Variants in ARMCX4 observed in about 807,000 individuals in gnomAD.
The protein encoded by ARMCX4 is armadillo repeat-containing X-linked protein 4.
Under a neutral mutation model 34.7 loss-of-function variants are expected in ARMCX4, and 3 were observed. The ratio of observed to expected loss-of-function variants is 0.09; its 90% CI spans 0.04 to 0.22. The LOEUF (loss-of-function observed/expected upper bound fraction) is 0.22. ARMCX4 is among the 10% of genes least tolerant of loss of function. The pLI is 1.00. For synonymous variants in ARMCX4, 513 were observed against 632.8 expected (o/e 0.81, Z 2.84); for missense variants, 1,448 against 1,720.8 (o/e 0.84, Z 2.81).
intron 4 of ARMCX4, among the ~76,000 whole-genome samples, chrX:101,455,841 T>A (rs1352605994): frequency 1.8e-5 from 2 of 110,790 alleles, no homozygotes; most frequent in Non-Finnish European, 3.8e-5. Flanking sequence ...TTCCCCAGTG[T>A]CTGTTGTTTT....
chrX:101,494,724 A>C lies in ARMCX4; in HGVS notation c.6135A>C (p.Lys2045Asn). The C allele has an allele frequency of 1.7e-6, 2 of 1,153,803 alleles. No individual in the cohort carries two copies. The highest frequency in any genetic ancestry group is 2.3e-6 in the Non-Finnish European group (2 of 871,808). The change falls in exon 6 of 6, where the codon AAA becomes AAC. Residue 2045 changes from lysine to asparagine, a missense_variant. Physicochemically the swap from Lys to Asn is moderately conservative, Grantham distance 94. This residue lies in a region of ARMCX4 where 105 missense variants were observed against 180.2 expected (regional missense o/e 0.58). Coordinates refer to ENST00000423738, the MANE Select transcript of ARMCX4 (RefSeq NM_001256155.3). ...EANMDPRDLEKLICMIEMTED... is the reference protein window; with the variant it reads ...EANMDPRDLENLICMIEMTED... ...ATATGGATCCACGAGATCTTGAAAA[A>C]CTCATTTGCATGATTGAGATGACTG...
chrX:101,515,937 A>G (rs1337205794), intron 11 of ARMCX4, among the ~76,000 whole-genome samples: 1 of 111,670 alleles, frequency 9.0e-6, no homozygotes, highest in Admixed American at 9.6e-5. Context: ...AAATCTAATC[A>G]GATTAGAGAA....
intron 8 of ARMCX4, among the ~76,000 whole-genome samples, chrX:101,508,726 A>T (rs1267473272): frequency 9.0e-6 from 1 of 111,720 alleles, no homozygotes; most frequent in Non-Finnish European, 1.9e-5. Context: ...CAACTCTTTT[A>T]ATGTATTATT....
intron 2 of ARMCX4, among the ~76,000 whole-genome samples, chrX:101,435,876 C>T (rs782088862): frequency 1.8e-5 from 2 of 110,869 alleles, no homozygotes; most frequent in East Asian, 2.8e-4. Flanking sequence ...AGCCAGTTTT[C>T]CCAGCACCAT....
chrX:101,507,675 T>A (rs187324000), intron 8 of ARMCX4, among the ~76,000 whole-genome samples: 8 of 111,771 alleles, frequency 7.2e-5, no homozygotes, highest in Non-Finnish European at 1.5e-4. Context: ...TGAGAAAGAG[T>A]GTATAGTATA....
chrX:101,435,946 A>T (rs1233286801), intron 2 of ARMCX4, among the ~76,000 whole-genome samples: 1 of 111,353 alleles, frequency 9.0e-6, no homozygotes, highest in Non-Finnish European at 1.9e-5. Flanking sequence ...CAAAGATCAG[A>T]TAGTTGTAGA....
chrX:101,525,623 T>C (rs1212498275), intron 11 of ARMCX4, among the ~76,000 whole-genome samples: 4 of 111,143 alleles, frequency 3.6e-5, no homozygotes, highest in Non-Finnish European at 7.5e-5. Flanking sequence ...GAGAAGATCT[T>C]AGGTGACCTA....
At chrX:101,459,092 G>C (rs1392984732) in intron 4 of ARMCX4, among the ~76,000 whole-genome samples, 6 of 111,570 alleles carry the variant, frequency 5.4e-5, no homozygotes, top group African/African-American at 2.0e-4. Context: ...TCAGAGGCTA[G>C]ATTCACCTTT....
Position 101,489,667 on chromosome X carries a change from A to G in ARMCX4, c.1078A>G (p.Ile360Val). ...GGCAGGGGCAGATGTGAGAGCTTGT[A>G]TACAACCTCAGACTGTGGCCAAGAA... is the stretch of plus-strand genomic sequence containing the variant. ...VGAGADVRAC[I>V]QPQTVAKKQA... Residue 360 changes from isoleucine to valine, a missense_variant, in exon 6 of 6, where the codon ATA becomes GTA. Transcript: ENST00000423738. 2 of 1,155,066 alleles carry G rather than the reference A, an allele frequency of 1.7e-6. No individual in the cohort carries two copies. The highest frequency in any genetic ancestry group is 1.8e-5 in the African/African-American group (1 of 56,235).
chrX:101,421,139 G>A (rs1475243955), intron 2 of ARMCX4, among the ~76,000 whole-genome samples: 1 of 102,982 alleles, frequency 9.7e-6, no homozygotes, highest in African/African-American at 3.7e-5. Context: ...GGAGGCAGAG[G>A]TTGTGGTGAG....
At chrX:101,476,829 TAGAA>T (rs1360308485) in intron 4 of ARMCX4, among the ~76,000 whole-genome samples, 55 of 106,642 alleles carry the variant, frequency 5.2e-4, no homozygotes, top group Middle Eastern at 5.0e-3. Flanking sequence ...CTTAAGGAAA[TAGAA>T]GGAAGGAAAA....
At chrX:101,515,987 A>G (rs926952720) in intron 11 of ARMCX4, among the ~76,000 whole-genome samples, 2 of 112,088 alleles carry the variant, frequency 1.8e-5, no homozygotes, top group African/African-American at 3.2e-5. Flanking sequence ...AAGATTCTTT[A>G]TAGAAATAAT....
chrX:101,432,802 GTA>G (rs1930184699), intron 2 of ARMCX4, among the ~76,000 whole-genome samples: 1 of 101,254 alleles, frequency 9.9e-6, no homozygotes, highest in East Asian at 3.1e-4. Context: ...ATATACACAT[GTA>G]TGTATACATA....
chrX:101,479,337 C>G (rs1556004933), intron 4 of ARMCX4, among the ~76,000 whole-genome samples: 1 of 104,585 alleles, frequency 9.6e-6, no homozygotes, highest in Non-Finnish European at 1.9e-5. Flanking sequence ...CACACACACA[C>G]ACACACACAC....
intron 11 of ARMCX4, among the ~76,000 whole-genome samples, chrX:101,522,000 G>A (rs185413625): frequency 2.5e-4 from 28 of 111,436 alleles, no homozygotes; most frequent in Non-Finnish European, 4.1e-4. Context: ...GTGTTCTATA[G>A]ATGTCTGCCA....
chrX:101,512,109 C>T (rs944601240), intron 11 of ARMCX4, among the ~76,000 whole-genome samples: 9 of 111,025 alleles, frequency 8.1e-5, no homozygotes, highest in Non-Finnish European at 1.1e-4. Flanking sequence ...GGGCTGGGTG[C>T]GGCCGCTCAC....
At chrX:101,529,247 T>G (rs1383807833) in intron 11 of ARMCX4, among the ~76,000 whole-genome samples, 2 of 111,526 alleles carry the variant, frequency 1.8e-5, no homozygotes, top group Admixed American at 9.5e-5. Context: ...ATTCCCTATT[T>G]AATAAATGGT....
rs1395455888 is a variant in ARMCX4, at chrX:101,491,873, A to G, written c.3284A>G (p.Tyr1095Cys). The G allele has an allele frequency of 1.3e-5, 15 of 1,154,272 alleles. No homozygotes were observed. In the East Asian group the frequency reaches 4.2e-4, roughly 33 times the overall value. Residue 1095 changes from tyrosine to cysteine, a missense_variant, in exon 6 of 6, where the codon TAC becomes TGC. Around this residue, in one of 2 missense-constraint regions of ARMCX4, gnomAD observed 1,343 missense variants for 1,540.7 expected, o/e 0.87. Coordinates refer to ENST00000423738, the MANE Select transcript of ARMCX4 (RefSeq NM_001256155.3). ...AAGACTCAGCCTAACATCCATGACT[A>G]CTACTGGAATGGGATTGGTGTTGAA... is the stretch of plus-strand genomic sequence containing the variant. ...CRKTQPNIHD[Y>C]YWNGIGVEDW...
chrX:101,528,928 A>G (rs1243952049), intron 11 of ARMCX4, among the ~76,000 whole-genome samples: 3 of 111,788 alleles, frequency 2.7e-5, no homozygotes, highest in Non-Finnish European at 3.8e-5. Flanking sequence ...TTATAGATTC[A>G]GTGCCATCCC....
Sources: allele counts gnomAD v4.1 joint callset (sites outside exome capture counted in the v4.1 genomes callset), GRCh38; gene constraint gnomAD v4.1.1; regional missense constraint gnomAD v4.1.1; transcripts MANE v1.5; gene names NCBI Gene and HGNC (gene_info 2026-07-23, HGNC 2026-07-21).